The following IMMP2L variants were observed in gnomAD, a reference collection of about 807,000 sequenced individuals.
IMMP2L encodes the protein mitochondrial inner membrane protease subunit 2.
Under a neutral mutation model 19.3 loss-of-function variants are expected in IMMP2L, and 18 were observed. The ratio of observed to expected loss-of-function variants is 0.93; its 90% CI spans 0.64 to 1.38. The LOEUF is 1.38. Ranked by LOEUF, IMMP2L falls within the 40% of genes most tolerant of loss-of-function variation. The pLI is 0.00. For missense variants in IMMP2L, 233 were observed against 218.2 expected (o/e 1.07, Z -0.43); for synonymous variants, 76 against 73.0 (o/e 1.04, Z -0.21).
chr7:111,405,495 A>G (rs564535795), intron 3 of IMMP2L, among the ~76,000 whole-genome samples: 1 of 152,294 alleles, frequency 6.6e-6, no homozygotes, highest in African/African-American at 2.4e-5. Context: ...CATAAATTCT[A>G]AAGAATATCA....
intron 3 of IMMP2L, among the ~76,000 whole-genome samples, chr7:111,301,074 G>A (rs1822184153): frequency 6.6e-6 from 1 of 152,060 alleles, no homozygotes. Context: ...AATATTATGA[G>A]TGATCCAGTT....
chr7:110,844,481 C>A (rs1274495171), intron 5 of IMMP2L, among the ~76,000 whole-genome samples: 1 of 151,640 alleles, frequency 6.6e-6, no homozygotes, highest in Non-Finnish European at 1.5e-5. Context: ...CAGTTTTGCA[C>A]CCAGAAAAAA....
At chr7:111,054,952 A>T (rs1414324026) in intron 3 of IMMP2L, among the ~76,000 whole-genome samples, 1 of 152,204 alleles carries the variant, frequency 6.6e-6, no homozygotes, top group Non-Finnish European at 1.5e-5. Flanking sequence ...AAATTAGGAA[A>T]CAAAATAGTT....
chr7:111,546,674 T>C (rs983307688), intron 1 of IMMP2L, among the ~76,000 whole-genome samples: 2 of 152,152 alleles, frequency 1.3e-5, no homozygotes, highest in Admixed American at 1.3e-4. Context: ...GTTCTTCCCT[T>C]CCTTCAAAGG....
chr7:111,388,727 G>A (rs1274918614), intron 3 of IMMP2L, among the ~76,000 whole-genome samples: 5 of 151,940 alleles, frequency 3.3e-5, no homozygotes, highest in East Asian at 1.9e-4. Context: ...ATCAGATCTC[G>A]TGAGACTTAT....
intron 3 of IMMP2L, among the ~76,000 whole-genome samples, chr7:111,357,148 C>G (rs1341280154): frequency 6.6e-6 from 1 of 152,210 alleles, no homozygotes; most frequent in Non-Finnish European, 1.5e-5. Context: ...TGGACACAGA[C>G]TGGCCCACTG....
At chr7:111,124,405 T>C (rs1374088252) in intron 3 of IMMP2L, 1 of 1,613,768 alleles carries the variant, frequency 6.2e-7, no homozygotes, top group Non-Finnish European at 8.5e-7. Flanking sequence ...GAAAGCAAGT[T>C]CTAAAATTCT....
At chr7:110,881,530 A>C (rs1809629717) in intron 5 of IMMP2L, among the ~76,000 whole-genome samples, 1 of 152,224 alleles carries the variant, frequency 6.6e-6, no homozygotes, top group Non-Finnish European at 1.5e-5. Context: ...GCAACAAGAA[A>C]ATATAACCAA....
At chr7:111,392,886 G>C (rs1563137591) in intron 3 of IMMP2L, 3 of 455,634 alleles carry the variant, frequency 6.6e-6, no homozygotes, top group Non-Finnish European at 1.3e-5. Context: ...CCAGAGCATA[G>C]TAGCTTTTGT....
chr7:110,857,704 G>T (rs565128347), intron 5 of IMMP2L, among the ~76,000 whole-genome samples: 7 of 152,114 alleles, frequency 4.6e-5, no homozygotes, highest in Admixed American at 4.6e-4. Flanking sequence ...TCAGTCCTGA[G>T]GCACTTGAGG....
At chr7:110,897,173 T>A (rs922153388) in intron 4 of IMMP2L, among the ~76,000 whole-genome samples, 1 of 152,180 alleles carries the variant, frequency 6.6e-6, no homozygotes, top group East Asian at 1.9e-4. Context: ...CATACGAAAA[T>A]ACCTCAGTAT....
At chr7:111,406,871 C>T (rs1195053241) in intron 3 of IMMP2L, among the ~76,000 whole-genome samples, 1 of 151,974 alleles carries the variant, frequency 6.6e-6, no homozygotes, top group South Asian at 2.1e-4. Context: ...GGAAGCAGGA[C>T]AGGCAGAGAA....
At chr7:111,007,391 T>C (rs1157808219) in intron 3 of IMMP2L, among the ~76,000 whole-genome samples, 4 of 152,080 alleles carry the variant, frequency 2.6e-5, no homozygotes, top group Admixed American at 2.6e-4. Context: ...TCAGAATTGC[T>C]AGGGTCAGCA....
rs969147843 is a variant in IMMP2L, at chr7:110,924,049, T to C, written c.306-37354A>G. On this transcript the variant is annotated intron_variant, in intron 4 of 5. Coordinates refer to ENST00000405709, the MANE Select transcript of IMMP2L (RefSeq NM_032549.4). The surrounding 1 kb of genome is among the most constrained non-coding windows in gnomAD (Gnocchi z 4.2). ...TAGCTCAGTCTCAAGTTTACCTGAG[T>C]CTAATGTATGACAAAGGAATGATTC... Among the ~76,000 whole-genome samples, 3 of 152,134 alleles carry C rather than the reference T, an allele frequency of 2.0e-5. No individual in the cohort carries two copies. Among genetic ancestry groups the C allele is most frequent in the African/African-American group, 7.2e-5 (3 of 41,426 alleles).
chr7:110,887,447 AT>A (rs1362740809), intron 4 of IMMP2L, among the ~76,000 whole-genome samples: 17 of 152,168 alleles, frequency 1.1e-4, no homozygotes, highest in African/African-American at 4.1e-4. Context: ...TTTTAGGCCA[AT>A]TTTTGGTACA....
At chr7:111,445,010 G>T (rs1388268612) in intron 3 of IMMP2L, among the ~76,000 whole-genome samples, 2 of 152,020 alleles carry the variant, frequency 1.3e-5, no homozygotes, top group African/African-American at 4.8e-5. Context: ...AGCCTTAGAA[G>T]ATTTTTCTAA....
intron 4 of IMMP2L, among the ~76,000 whole-genome samples, chr7:110,895,003 C>A (rs1277656736): frequency 6.6e-6 from 1 of 152,152 alleles, no homozygotes; most frequent in Non-Finnish European, 1.5e-5. Context: ...AGTCCATTTT[C>A]ATGCTGCTGA....
At chr7:111,071,026 AAGAC>A (rs925780191) in intron 3 of IMMP2L, among the ~76,000 whole-genome samples, 1 of 152,198 alleles carries the variant, frequency 6.6e-6, no homozygotes, top group African/African-American at 2.4e-5. Flanking sequence ...CAATAACAAA[AAGAC>A]AGATAACCCA....
intron 3 of IMMP2L, among the ~76,000 whole-genome samples, chr7:111,167,425 T>C (rs1805944409): frequency 6.6e-6 from 1 of 152,004 alleles, no homozygotes; most frequent in Admixed American, 6.6e-5. Context: ...CATCCCATTT[T>C]GCACAAAACC....
Sources: allele counts gnomAD v4.1 joint callset (sites outside exome capture counted in the v4.1 genomes callset), GRCh38; gene constraint gnomAD v4.1.1; non-coding constraint Gnocchi (gnomAD v3.1); transcripts MANE v1.5; gene names NCBI Gene and HGNC (gene_info 2026-07-23, HGNC 2026-07-21).